The following AGBL4 variants were observed in gnomAD, a reference collection of about 807,000 sequenced individuals.
AGBL4 encodes the protein cytosolic carboxypeptidase 6.
AGBL4 carries 58 observed loss-of-function variants against 66.4 expected under a neutral mutation model. That is an observed-to-expected ratio of 0.87 (90% confidence interval 0.71 to 1.09). The LOEUF is 1.09. Among genes scored for constraint, AGBL4 ranks in the 50% least tolerant of loss-of-function variants. The pLI, the probability that AGBL4 is intolerant of heterozygous loss-of-function variation, is 0.00. For synonymous variants in AGBL4, 234 were observed against 222.9 expected, an observed-to-expected ratio of 1.05 and a Z score of -0.44; for missense variants, 579 against 631.0, an observed-to-expected ratio of 0.92 and a Z score of 0.88.
intron 4 of AGBL4, among the ~76,000 whole-genome samples, chr1:49,140,718 A>G (rs565043003): frequency 6.8e-4 from 104 of 152,336 alleles, no homozygotes; most frequent in South Asian, 1.7e-3. Flanking sequence ...ATTGGCCTGC[A>G]TGCAGTATAA....
chr1:48,575,919 A>G (rs1569854898), intron 11 of AGBL4, among the ~76,000 whole-genome samples: 7 of 152,304 alleles, frequency 4.6e-5, no homozygotes, highest in Middle Eastern at 3.4e-3. Flanking sequence ...ATAGGTGCTC[A>G]GTGAGTGTAG....
At chr1:48,984,907 A>C (rs1167111869) in intron 5 of AGBL4, among the ~76,000 whole-genome samples, 2 of 152,166 alleles carry the variant, frequency 1.3e-5, no homozygotes, top group East Asian at 3.9e-4. Context: ...GCAGAATTCC[A>C]CAATGGAAAT....
At chr1:48,856,412 G>C (rs1336053910) in intron 6 of AGBL4, among the ~76,000 whole-genome samples, 3 of 152,206 alleles carry the variant, frequency 2.0e-5, no homozygotes, top group Non-Finnish European at 2.9e-5. Flanking sequence ...GGGATTAGGA[G>C]TAATTTATTT....
chr1:48,711,367 C>T (rs940644405), intron 6 of AGBL4, among the ~76,000 whole-genome samples: 15 of 152,134 alleles, frequency 9.9e-5, no homozygotes, highest in Admixed American at 7.9e-4. Flanking sequence ...TTGGGGTGAG[C>T]CTGTCAGTTC....
At chr1:48,832,680 G>A (rs1646581737) in intron 6 of AGBL4, among the ~76,000 whole-genome samples, 1 of 152,130 alleles carries the variant, frequency 6.6e-6, no homozygotes, top group African/African-American at 2.4e-5. Flanking sequence ...TGCCTATGTG[G>A]GTGTTTCTGG....
intron 11 of AGBL4, among the ~76,000 whole-genome samples, chr1:48,566,578 T>C (rs1644479702): frequency 6.6e-6 from 1 of 152,220 alleles, no homozygotes; most frequent in South Asian, 2.1e-4. Flanking sequence ...TCAAATAAGT[T>C]GTCAAACATT....
At chr1:48,628,392 G>A (rs539684548) in intron 9 of AGBL4, among the ~76,000 whole-genome samples, 2 of 152,264 alleles carry the variant, frequency 1.3e-5, no homozygotes, top group South Asian at 4.1e-4. Flanking sequence ...GACTGAGAGA[G>A]GATATATGCT....
intron 3 of AGBL4, among the ~76,000 whole-genome samples, chr1:49,648,308 T>A (rs1645931974): frequency 2.8e-5 from 4 of 141,154 alleles, no homozygotes; most frequent in Non-Finnish European, 3.1e-5. Context: ...ACCTCAAAAA[T>A]GGAAAAGCAA....
chr1:48,664,227 A>T (rs940858585), intron 6 of AGBL4, among the ~76,000 whole-genome samples: 15 of 152,158 alleles, frequency 9.9e-5, no homozygotes, highest in Non-Finnish European at 2.2e-4. Context: ...ACTGTAGAAA[A>T]AGAGTTCCAG....
At chr1:49,982,589 C>T (rs1384678333) in intron 1 of AGBL4, among the ~76,000 whole-genome samples, 14 of 152,230 alleles carry the variant, frequency 9.2e-5, no homozygotes, top group Admixed American at 8.5e-4. Context: ...GCCCCACCTT[C>T]AAGCTGGGGA....
chr1:48,646,817 A>G (rs1298635263), intron 8 of AGBL4, among the ~76,000 whole-genome samples: 1 of 151,980 alleles, frequency 6.6e-6, no homozygotes, highest in Non-Finnish European at 1.5e-5. Flanking sequence ...CTCCCCCTCT[A>G]CTTAAAGTAG....
chr1:49,266,651 C>T lies in AGBL4; in HGVS notation c.283-20787G>A, dbSNP rs1404026092. Among the ~76,000 whole-genome samples, 6 of 151,346 alleles carry T rather than the reference C, an allele frequency of 4.0e-5. No individual in the cohort carries two copies. In the East Asian group the frequency reaches 9.7e-4, roughly 25 times the overall value. ...CACACGCGAAGGTAGAGTCTGTAGC[C>T]AGCCTAAGGGAAGGAGAGGTGAATT... On this transcript the variant is annotated intron_variant, in intron 3 of 13. Transcript: ENST00000371839.
intron 1 of AGBL4, among the ~76,000 whole-genome samples, chr1:49,981,759 A>C (rs2148385829): frequency 6.6e-6 from 1 of 152,336 alleles, no homozygotes; most frequent in Non-Finnish European, 1.5e-5. Flanking sequence ...ATTATAATTA[A>C]GTAAACCACT....
chr1:49,420,544 CA>C (rs1464119345), intron 3 of AGBL4, among the ~76,000 whole-genome samples: 1 of 151,768 alleles, frequency 6.6e-6, no homozygotes, highest in Non-Finnish European at 1.5e-5. Context: ...ACTAAAAATA[CA>C]AAAAAATTAG....
intron 3 of AGBL4, among the ~76,000 whole-genome samples, chr1:49,535,354 T>C (rs917201692): frequency 8.8e-5 from 13 of 147,792 alleles, no homozygotes; most frequent in Non-Finnish European, 1.2e-4. Context: ...CATAATAATA[T>C]GTTATATTAT....
At chr1:49,485,229 T>C (rs1379715761) in intron 3 of AGBL4, among the ~76,000 whole-genome samples, 1 of 151,816 alleles carries the variant, frequency 6.6e-6, no homozygotes, top group African/African-American at 2.4e-5. Flanking sequence ...AATGATAGAC[T>C]GGATTAAGAA....
At chr1:48,885,254 A>G (rs1317323394) in intron 5 of AGBL4, among the ~76,000 whole-genome samples, 2 of 152,260 alleles carry the variant, frequency 1.3e-5, no homozygotes, top group African/African-American at 2.4e-5. Flanking sequence ...TGCAATGTCC[A>G]TAAATATTTA....
chr1:49,757,199 T>G (rs1651949752), intron 2 of AGBL4, among the ~76,000 whole-genome samples: 1 of 152,158 alleles, frequency 6.6e-6, no homozygotes, highest in South Asian at 2.1e-4. Context: ...AAGAATGTGT[T>G]TGCTTCCCCT....
chr1:48,693,574 A>T lies in AGBL4; in HGVS notation c.635-30333T>A, dbSNP rs1374204628. On this transcript the variant is annotated intron_variant, in intron 6 of 13. Transcript: ENST00000371839. ...TGCAAGGCAGCCTGGAATCAGCAGG[A>T]AGCTCTCCTGAACTCATCCCTGTGC... is the stretch of plus-strand genomic sequence containing the variant. Among the ~76,000 whole-genome samples, 5 of 152,136 alleles carry T rather than the reference A, an allele frequency of 3.3e-5. No homozygotes were observed. In the East Asian group the frequency reaches 9.6e-4, roughly 29 times the overall value.
Sources: allele counts gnomAD v4.1 joint callset (sites outside exome capture counted in the v4.1 genomes callset), GRCh38; gene constraint gnomAD v4.1.1; transcripts MANE v1.5; gene names NCBI Gene and HGNC (gene_info 2026-07-23, HGNC 2026-07-21).